NPHP1: variants seen among roughly 807,000 people sequenced by gnomAD.
The protein encoded by NPHP1 is nephrocystin 1, also known as nephrocystin-1.
Under a neutral mutation model 90.4 loss-of-function variants are expected in NPHP1, and 70 were observed. That is an observed-to-expected ratio of 0.77 (90% CI 0.64 to 0.95). The LOEUF (loss-of-function observed/expected upper bound fraction) is 0.95. NPHP1 is among the 40% of genes least tolerant of loss of function. The pLI, the probability that NPHP1 is intolerant of heterozygous loss-of-function variation, is 0.00. For missense variants in NPHP1, 764 were observed against 795.9 expected, an observed-to-expected ratio of 0.96 and a Z score of 0.48; for synonymous variants, 256 against 271.7, an observed-to-expected ratio of 0.94 and a Z score of 0.57.
chr2:110,196,547 C>T (rs1198890921), intron 2 of NPHP1, among the ~76,000 whole-genome samples: 4 of 152,136 alleles, frequency 2.6e-5, no homozygotes, highest in Non-Finnish European at 4.4e-5. Context: ...AACTTTTACA[C>T]TGTTGGTGGG....
intron 2 of NPHP1, among the ~76,000 whole-genome samples, chr2:110,186,773 C>T (rs1684308998): frequency 6.6e-6 from 1 of 152,062 alleles, no homozygotes; most frequent in South Asian, 2.1e-4. Context: ...CCTCGCACAG[C>T]CTTGCACAAA....
chr2:110,176,697 T>C (rs894111761), intron 4 of NPHP1, among the ~76,000 whole-genome samples: 1 of 152,206 alleles, frequency 6.6e-6, no homozygotes, highest in Non-Finnish European at 1.5e-5. Context: ...TCCTAGATCA[T>C]GGTTGTTACT....
At chr2:110,152,353 T>C (rs765156335) in intron 11 of NPHP1, among the ~76,000 whole-genome samples, 1 of 152,088 alleles carries the variant, frequency 6.6e-6, no homozygotes, top group Non-Finnish European at 1.5e-5. Flanking sequence ...ACAACCATTC[T>C]GCTCCACATA....
rs1408845012 is a variant in NPHP1 at position 110,164,543 on chromosome 2, G to A, written c.771+145C>T. On this transcript the variant is annotated intron_variant, in intron 8 of 19. Transcript: ENST00000445609. ...ACTTGGAGCACAGGCTTAGAAACCA[G>A]AAATATACGTCCTCTGCTCTGTACA... The A allele has an allele frequency of 1.1e-5, 17 of 1,565,382 alleles. No homozygotes were observed. The highest frequency in any genetic ancestry group is 1.5e-5 in the Non-Finnish European group (17 of 1,136,610).
chr2:110,177,374 TCTGAATAA>T (rs1319013439), intron 4 of NPHP1, among the ~76,000 whole-genome samples: 1 of 152,100 alleles, frequency 6.6e-6, no homozygotes, highest in Non-Finnish European at 1.5e-5. Context: ...ACTGAAATAG[TCTGAATAA>T]CTGATTTTTT....
At position 110,123,852 on chromosome 2, in the gene NPHP1, G is replaced by T. The variant is rs757825025; in HGVS notation, c.1973C>A (p.Pro658His). 3 of 1,614,086 alleles carry T rather than the reference G, an allele frequency of 1.9e-6. No individual in the cohort carries two copies. The highest frequency in any genetic ancestry group is 2.5e-6 in the Non-Finnish European group (3 of 1,179,982). ...ATAGGTCTGCTCTGAAAGGTCAAAA[G>T]GTTCATGAACTCCGTCTGGTGACAG... is the stretch of plus-strand genomic sequence containing the variant. ...ALLSPDGVHE[P>H]FDLSEQTYDF... Residue 658 changes from proline to histidine, a missense_variant, in exon 20 of 20, where the codon CCT becomes CAT. By Grantham distance (77) the Pro-to-His change is moderately conservative. Transcript: ENST00000445609.
At chr2:110,150,413 T>C (rs1348984790) in intron 11 of NPHP1, among the ~76,000 whole-genome samples, 157 bp from the exon 12 acceptor site, 1 of 152,208 alleles carries the variant, frequency 6.6e-6, no homozygotes, top group East Asian at 1.9e-4. Context: ...AATGTTTTTC[T>C]TTTTATATCA....
intron 10 of NPHP1, 72 bp downstream of exon 10, chr2:110,161,531 T>C: frequency 2.0e-6 from 2 of 977,500 alleles, no homozygotes; most frequent in South Asian, 1.4e-5. Context: ...TCAATTAACA[T>C]GTTGTTTGTC....
chr2:110,162,925 G>T, intron 9 of NPHP1, 123 bp downstream of exon 9: 1 of 730,298 alleles, frequency 1.4e-6, no homozygotes, highest in South Asian at 1.5e-5. Flanking sequence ...GAAAAGATGA[G>T]CACCAAAGAG....
At position 110,167,660 on chromosome 2, in the gene NPHP1, CT is replaced by C. The variant is rs1486824210; in HGVS notation, c.624+791del. 2.0e-5 allele frequency among the ~76,000 whole-genome samples: 3 copies of C among 152,066 alleles called. No individual in the cohort carries two copies. The East Asian group carries it at 5.8e-4, about 29-fold the overall frequency. On this transcript the variant is annotated intron_variant, in intron 6 of 19. Coordinates refer to ENST00000445609, the MANE Select transcript of NPHP1 (RefSeq NM_001128178.3). ...ATCATTCTAGTAAATTACTGAACCC[CT>C]GAGGTGATGGTATGGGAACTCGTGA...
At chr2:110,202,460 T>C (rs1392565449) in intron 1 of NPHP1, 1 of 455,622 alleles carries the variant, frequency 2.2e-6, no homozygotes, top group South Asian at 1.6e-5. Flanking sequence ...ATCTGTTCCA[T>C]ATTCAGCTTC....
Position 110,148,008 on chromosome 2 carries a change from A to G in NPHP1, c.1177T>C (p.Cys393Arg), listed in dbSNP as rs745877439. ...FSPQVTRILP[C>R]LLDGDCFIRS... ...ATAAAGCAATCACCATCAAGCAAAC[A>G]TGGTAAGATGCGAGTAACCTGAAAT... The change falls in exon 13 of 20, where the codon TGT becomes CGT. Residue 393 changes from cysteine to arginine, a missense_variant. Transcript: ENST00000445609. The G allele has an allele frequency of 3.1e-6, 5 of 1,602,680 alleles. No homozygotes were observed. The highest frequency in any genetic ancestry group is 3.3e-5 in the Admixed American group (2 of 59,990).
chr2:110,125,063 G>T (rs200870948), intron 19 of NPHP1: 1 of 755,388 alleles, frequency 1.3e-6, no homozygotes, highest in Non-Finnish European at 2.0e-6. Flanking sequence ...GGCTGCTTTT[G>T]TGTTACAACA....
At chr2:110,172,195 G>T (rs1683175430) in intron 4 of NPHP1, among the ~76,000 whole-genome samples, 1 of 151,978 alleles carries the variant, frequency 6.6e-6, no homozygotes, top group Non-Finnish European at 1.5e-5. Context: ...GTTGTTCATA[G>T]TCTTTTCATA....
intron 1 of NPHP1, 75 bp from the exon 2 acceptor site, chr2:110,201,569 A>G: frequency 9.9e-7 from 1 of 1,008,886 alleles, no homozygotes; most frequent in Non-Finnish European, 1.5e-6. Context: ...TTTTTTATCC[A>G]ATATTTTATA....
intron 6 of NPHP1, among the ~76,000 whole-genome samples, chr2:110,166,868 C>A (rs1385456824): frequency 6.6e-6 from 1 of 152,080 alleles, no homozygotes; most frequent in African/African-American, 2.4e-5. Flanking sequence ...ATGATCTAGA[C>A]CTGCCCTATG....
intron 2 of NPHP1, among the ~76,000 whole-genome samples, chr2:110,192,699 T>C (rs533688393): frequency 9.4e-4 from 143 of 152,068 alleles, no homozygotes; most frequent in African/African-American, 3.1e-3. Context: ...CCAAGACACA[T>C]AATTGTCAGA....
At chr2:110,129,881 T>A (rs1253668130) in intron 17 of NPHP1, among the ~76,000 whole-genome samples, 1 of 152,184 alleles carries the variant, frequency 6.6e-6, no homozygotes, top group Non-Finnish European at 1.5e-5. Flanking sequence ...AGGAAAGACA[T>A]GTCTTAGTCT....
rs1270536824 is a variant in NPHP1, at chr2:110,156,983, G to C, written c.1083+3144C>G. 2.6e-5 allele frequency among the ~76,000 whole-genome samples: 4 copies of C among 152,090 alleles called. No individual in the cohort carries two copies. In the East Asian group the frequency reaches 7.7e-4, roughly 29 times the overall value. ...GTAGAGACGCGGTTTCATCATGTTG[G>C]CCAGGATGGTCTAGATCTCTTGACC... On this transcript the variant is annotated intron_variant, in intron 11 of 19. Coordinates refer to ENST00000445609, the MANE Select transcript of NPHP1 (RefSeq NM_001128178.3).
Sources: allele counts gnomAD v4.1 joint callset (sites outside exome capture counted in the v4.1 genomes callset), GRCh38; gene constraint gnomAD v4.1.1; transcripts MANE v1.5; gene names NCBI Gene and HGNC (gene_info 2026-07-23, HGNC 2026-07-21).